The following CSMD1 variants were observed in gnomAD, a reference collection of about 807,000 sequenced individuals.
The protein encoded by CSMD1 is CUB and sushi domain-containing protein 1.
In CSMD1, 213 loss-of-function variants were observed where a neutral mutation model predicts 417.5. The observed-to-expected ratio is 0.51, with a 90% CI of 0.46 to 0.57. CSMD1 has a LOEUF of 0.57. CSMD1 is among the 20% of genes least tolerant of loss of function. CSMD1 has a pLI of 0.00. For missense variants in CSMD1, 6,923 were observed against 4,529.7 expected, an observed-to-expected ratio of 1.53 and a Z score of -15.17; for synonymous variants, 2,862 against 1,736.8, an observed-to-expected ratio of 1.65 and a Z score of -16.11.
chr8:3,650,238 A>C (rs1220603624), intron 7 of CSMD1, among the ~76,000 whole-genome samples: 2 of 152,028 alleles, frequency 1.3e-5, no homozygotes, highest in African/African-American at 4.8e-5. Flanking sequence ...AGATTGCTTC[A>C]TTGCACTCCA....
chr8:4,130,571 C>T (rs551557173), intron 3 of CSMD1, among the ~76,000 whole-genome samples: 4 of 152,148 alleles, frequency 2.6e-5, no homozygotes, highest in Admixed American at 2.0e-4. Flanking sequence ...TTACCACTGA[C>T]CTTATGTTTT....
At chr8:4,146,694 C>T (rs1228394794) in intron 3 of CSMD1, among the ~76,000 whole-genome samples, 2 of 142,968 alleles carry the variant, frequency 1.4e-5, no homozygotes, top group Non-Finnish European at 3.0e-5. Context: ...TCACTGCAAG[C>T]TCCACCTCCC....
At position 3,756,278 on chromosome 8, in the gene CSMD1, G is replaced by C. The variant is rs1283690541; in HGVS notation, c.819-2236C>G. Among the ~76,000 whole-genome samples the C allele has an allele frequency of 5.3e-5, 8 of 151,480 alleles. No homozygotes were observed. The East Asian group carries it at 1.4e-3, about 26-fold the overall frequency. On this transcript the variant is annotated intron_variant, in intron 5 of 69. Transcript: ENST00000635120. ...TGAGGCAGGAGAATGGCGTGAACCT[G>C]GGAGGCAGAGCTTGCAGTGAGCTGA... is the stretch of plus-strand genomic sequence containing the variant.
chr8:3,256,452 CCTAA>C, intron 26 of CSMD1, among the ~76,000 whole-genome samples: 1 of 152,264 alleles, frequency 6.6e-6, no homozygotes, highest in African/African-American at 2.4e-5. Context: ...GTCCCCTTCT[CCTAA>C]CTTTTTATTG....
intron 12 of CSMD1, among the ~76,000 whole-genome samples, chr8:3,466,346 A>T (rs1816789682): frequency 6.6e-6 from 1 of 152,162 alleles, no homozygotes; most frequent in Non-Finnish European, 1.5e-5. Flanking sequence ...AGTGAAAATC[A>T]GGCAACATCA....
intron 10 of CSMD1, among the ~76,000 whole-genome samples, chr8:3,547,848 T>C (rs1798740962): frequency 6.6e-6 from 1 of 152,204 alleles, no homozygotes; most frequent in African/African-American, 2.4e-5. Flanking sequence ...TTAAAAGGAA[T>C]TTCGCTAGGT....
chr8:4,611,133 G>A (rs537080298), intron 2 of CSMD1, among the ~76,000 whole-genome samples: 2 of 151,986 alleles, frequency 1.3e-5, no homozygotes, highest in Non-Finnish European at 2.9e-5. Context: ...GGCTGTTACT[G>A]TTTAGTAATA....
intron 1 of CSMD1, among the ~76,000 whole-genome samples, chr8:4,781,286 A>C (rs1439031553): frequency 6.6e-6 from 1 of 152,180 alleles, no homozygotes; most frequent in Non-Finnish European, 1.5e-5. Flanking sequence ...AGCATCATGA[A>C]AACAAAAACT....
chr8:4,188,047 C>G (rs1006283164), intron 3 of CSMD1, among the ~76,000 whole-genome samples: 3 of 152,006 alleles, frequency 2.0e-5, no homozygotes, highest in East Asian at 1.9e-4. Context: ...CAAACTTCGT[C>G]CTAGTCATAG....
intron 50 of CSMD1, among the ~76,000 whole-genome samples, chr8:3,045,214 T>A (rs1296028433): frequency 6.6e-6 from 1 of 152,206 alleles, no homozygotes; most frequent in Admixed American, 6.5e-5. Flanking sequence ...TTCCTCATGT[T>A]ACTGAACATA....
chr8:3,456,787 C>A (rs1052326070), intron 12 of CSMD1, among the ~76,000 whole-genome samples: 23 of 152,032 alleles, frequency 1.5e-4, no homozygotes, highest in African/African-American at 5.6e-4. Context: ...CCCCATTGCC[C>A]ATTATAGATG....
At chr8:4,967,050 G>C (rs778291163) in intron 1 of CSMD1, among the ~76,000 whole-genome samples, 3 of 152,150 alleles carry the variant, frequency 2.0e-5, no homozygotes, top group Non-Finnish European at 2.9e-5. Flanking sequence ...GTGTTCTCCA[G>C]TGGGTGAAGG....
At chr8:3,702,704 T>C (rs11988755) in intron 7 of CSMD1, among the ~76,000 whole-genome samples, 1 of 152,084 alleles carries the variant, frequency 6.6e-6, no homozygotes, top group Admixed American at 6.6e-5. Flanking sequence ...TCGTGGTGCA[T>C]GCCTGTAATC....
At position 3,409,560 on chromosome 8, in the gene CSMD1, C is replaced by G. The variant is rs1470243082; in HGVS notation, c.1607G>C (p.Gly536Ala). Reference sequence around the variant, plus strand: ...GAGGAAACTGCTGCCCGTCCGCTTCCCATAGGCGGGGATTCCAGGATCCCC... The same window carrying G: ...GAGGAAACTGCTGCCCGTCCGCTTCGCATAGGCGGGGATTCCAGGATCCCC... ...GCGDPGIPAY[G>A]KRTGSSFLHG... The change falls in exon 13 of 70, where the codon GGG (glycine) becomes GCG (alanine). Residue 536 changes from glycine to alanine, a missense_variant. Physicochemically the swap from Gly to Ala is moderately conservative, Grantham distance 60. Transcript: ENST00000635120. The G allele has an allele frequency of 1.2e-6, 2 of 1,610,296 alleles. No homozygotes were observed. The highest frequency in any genetic ancestry group is 2.2e-5 in the South Asian group (2 of 90,100).
At chr8:3,970,785 T>A (rs552045299) in intron 5 of CSMD1, among the ~76,000 whole-genome samples, 2 of 152,250 alleles carry the variant, frequency 1.3e-5, no homozygotes, top group East Asian at 3.9e-4. Flanking sequence ...GGAGTTTCAC[T>A]CTTGTTACCC....
chr8:3,677,077 G>C lies in CSMD1; in HGVS notation c.1009+31337C>G, dbSNP rs113498080. ...ATACGGGGCTTAAAAACTAGACATT[G>C]GGTAGATAGGTGCAACAAAAACCAT... On this transcript the variant is annotated intron_variant, in intron 7 of 69. Transcript: ENST00000635120. Among the ~76,000 whole-genome samples the C allele has an allele frequency of 5.2e-4, 79 of 152,130 alleles. 1 individual carries two copies. Among genetic ancestry groups the C allele is most frequent in the African/African-American group, 1.8e-3 (74 of 41,520 alleles).
At chr8:3,773,841 C>A (rs977041612) in intron 5 of CSMD1, among the ~76,000 whole-genome samples, 1 of 152,150 alleles carries the variant, frequency 6.6e-6, no homozygotes, top group Non-Finnish European at 1.5e-5. Flanking sequence ...TCACTTTCCC[C>A]CACATTGTAT....
intron 5 of CSMD1, among the ~76,000 whole-genome samples, chr8:3,884,122 A>T (rs1014330727): frequency 2.0e-5 from 3 of 152,196 alleles, no homozygotes; most frequent in African/African-American, 7.2e-5. Flanking sequence ...TAACAATGTC[A>T]GTTTCGAATT....
intron 11 of CSMD1, among the ~76,000 whole-genome samples, chr8:3,485,286 C>T (rs1288873306): frequency 1.3e-5 from 2 of 152,102 alleles, no homozygotes; most frequent in Non-Finnish European, 2.9e-5. Flanking sequence ...GAGAAGCAAT[C>T]ATAGAAGGTA....
Sources: allele counts gnomAD v4.1 joint callset (sites outside exome capture counted in the v4.1 genomes callset), GRCh38; gene constraint gnomAD v4.1.1; transcripts MANE v1.5; gene names NCBI Gene and HGNC (gene_info 2026-07-23, HGNC 2026-07-21).